Variants in CAMKMT observed in about 807,000 individuals in gnomAD.
The protein encoded by CAMKMT is CaM KMT.
In CAMKMT, 53 loss-of-function variants were observed where a neutral mutation model predicts 48.0. The observed-to-expected ratio is 1.10, with a 90% CI of 0.89 to 1.39. The LOEUF (loss-of-function observed/expected upper bound fraction) is 1.39, where lower values mean the gene tolerates loss of function less well. Among genes scored for constraint, CAMKMT ranks in the 40% most tolerant of loss-of-function variants. The pLI is 0.00. For synonymous variants in CAMKMT, 165 were observed against 152.3 expected (o/e 1.08, Z -0.61); for missense variants, 428 against 402.7 (o/e 1.06, Z -0.54).
At chr2:44,596,576 A>G (rs1215962529) in intron 3 of CAMKMT, among the ~76,000 whole-genome samples, 1 of 152,210 alleles carries the variant, frequency 6.6e-6, no homozygotes, top group East Asian at 1.9e-4. Flanking sequence ...CTGATTCTGT[A>G]GTACACACAT....
intron 2 of CAMKMT, among the ~76,000 whole-genome samples, chr2:44,382,184 C>T (rs988868836): frequency 6.6e-6 from 1 of 152,080 alleles, no homozygotes; most frequent in Admixed American, 6.6e-5. Flanking sequence ...TTAGGTGATT[C>T]TACCTGCGTC....
intron 3 of CAMKMT, among the ~76,000 whole-genome samples, chr2:44,667,167 G>A (rs1397204801): frequency 6.6e-6 from 1 of 152,124 alleles, no homozygotes; most frequent in Non-Finnish European, 1.5e-5. Context: ...ACCACCCATC[G>A]CTGGGAGCTT....
intron 3 of CAMKMT, among the ~76,000 whole-genome samples, chr2:44,503,267 C>T (rs1670094603): frequency 1.3e-5 from 2 of 151,964 alleles, no homozygotes; most frequent in East Asian, 1.9e-4. Flanking sequence ...TTCTGACCTA[C>T]CTTTGTTAGA....
chr2:44,696,844 ATAAT>A (rs774058523), intron 3 of CAMKMT, among the ~76,000 whole-genome samples: 2 of 152,212 alleles, frequency 1.3e-5, no homozygotes, highest in South Asian at 2.1e-4. Flanking sequence ...ATACTTTCAA[ATAAT>A]TAAGACATTG....
chr2:44,364,926 T>C (rs1054525245), intron 1 of CAMKMT, among the ~76,000 whole-genome samples: 1 of 152,174 alleles, frequency 6.6e-6, no homozygotes, highest in Non-Finnish European at 1.5e-5. Flanking sequence ...TATTTCCTAT[T>C]GGCCAAAGTA....
intron 3 of CAMKMT, among the ~76,000 whole-genome samples, chr2:44,576,203 C>T (rs912181780): frequency 6.6e-6 from 1 of 151,896 alleles, no homozygotes; most frequent in South Asian, 2.1e-4. Flanking sequence ...TGGCACATGC[C>T]TGTAATCCCA....
intron 3 of CAMKMT, among the ~76,000 whole-genome samples, chr2:44,658,383 G>T (rs72792394): frequency 0.11 from 15,977 of 152,110 alleles, 991 homozygotes; most frequent in Admixed American, 0.2. Context: ...GTATGAAAAG[G>T]GGGCACCGGG....
At chr2:44,402,042 A>G (rs972381685) in intron 3 of CAMKMT, among the ~76,000 whole-genome samples, 1 of 152,098 alleles carries the variant, frequency 6.6e-6, no homozygotes, top group Admixed American at 6.5e-5. Flanking sequence ...AAATGATAGA[A>G]TTGGCCGGGC....
At chr2:44,658,303 T>C (rs1450556768) in intron 3 of CAMKMT, among the ~76,000 whole-genome samples, 3 of 152,228 alleles carry the variant, frequency 2.0e-5, no homozygotes, top group African/African-American at 2.4e-5. Flanking sequence ...GCACTAAAAA[T>C]ATCTTTGTAG....
chr2:44,619,233 CA>C (rs1206086579), intron 3 of CAMKMT, among the ~76,000 whole-genome samples: 1 of 152,300 alleles, frequency 6.6e-6, no homozygotes, highest in East Asian at 1.9e-4. Flanking sequence ...CTCAAGTCTG[CA>C]TTTGAACTTA....
chr2:44,384,172 A>G (rs924220800), intron 2 of CAMKMT, among the ~76,000 whole-genome samples: 1 of 152,134 alleles, frequency 6.6e-6, no homozygotes, highest in African/African-American at 2.4e-5. Context: ...CCATTCTTGC[A>G]GGAGTAAGGT....
At chr2:44,478,362 A>G (rs1040540084) in intron 3 of CAMKMT, among the ~76,000 whole-genome samples, 14 of 152,160 alleles carry the variant, frequency 9.2e-5, no homozygotes, top group Non-Finnish European at 1.9e-4. Context: ...AGCCTTTGCA[A>G]TATCATCAGT....
At chr2:44,614,933 T>C (rs1478412189) in intron 3 of CAMKMT, among the ~76,000 whole-genome samples, 1 of 127,062 alleles carries the variant, frequency 7.9e-6, no homozygotes, top group Non-Finnish European at 1.6e-5. Flanking sequence ...TTTGGTCTCC[T>C]TGCTTTTTTT....
At chr2:44,636,617 T>G (rs1247119081) in intron 3 of CAMKMT, among the ~76,000 whole-genome samples, 1 of 152,216 alleles carries the variant, frequency 6.6e-6, no homozygotes, top group Non-Finnish European at 1.5e-5. Flanking sequence ...ATTTCTGAAC[T>G]TCCAACGGTT....
chr2:44,570,493 C>G (rs775990001), intron 3 of CAMKMT, among the ~76,000 whole-genome samples: 6 of 152,162 alleles, frequency 3.9e-5, no homozygotes, highest in Non-Finnish European at 5.9e-5. Context: ...ATACTATTAT[C>G]TGAATCTTAT....
At chr2:44,616,973 GA>G (rs1202349431) in intron 3 of CAMKMT, among the ~76,000 whole-genome samples, 1 of 152,206 alleles carries the variant, frequency 6.6e-6, no homozygotes, top group Non-Finnish European at 1.5e-5. Flanking sequence ...AGAGTTCAAA[GA>G]GACTATGATG....
At chr2:44,447,826 A>G (rs1368230312) in intron 3 of CAMKMT, among the ~76,000 whole-genome samples, 1 of 152,250 alleles carries the variant, frequency 6.6e-6, no homozygotes, top group African/African-American at 2.4e-5. Context: ...GTGACCTTAC[A>G]TACAGAGCAT....
At chr2:44,506,337 A>G (rs887682160) in intron 3 of CAMKMT, among the ~76,000 whole-genome samples, 1 of 152,302 alleles carries the variant, frequency 6.6e-6, no homozygotes, top group African/African-American at 2.4e-5. Context: ...ATTTATTTCT[A>G]TTGGAGAATT....
intron 3 of CAMKMT, among the ~76,000 whole-genome samples, chr2:44,513,977 C>T (rs184889415): frequency 1.3e-5 from 2 of 151,920 alleles, no homozygotes; most frequent in African/African-American, 2.4e-5. Flanking sequence ...TAGTGCATGC[C>T]TGTAGTTTCA....
Sources: allele counts gnomAD v4.1 joint callset (sites outside exome capture counted in the v4.1 genomes callset), GRCh38; gene constraint gnomAD v4.1.1; transcripts MANE v1.5; gene names NCBI Gene and HGNC (gene_info 2026-07-23, HGNC 2026-07-21).